UEVLD: variants seen among roughly 807,000 people sequenced by gnomAD.
The protein encoded by UEVLD is ubiquitin-conjugating enzyme E2 variant 3.
In UEVLD, 47 loss-of-function variants were observed where a neutral mutation model predicts 58.6. The observed-to-expected ratio is 0.80, with a 90% CI of 0.63 to 1.02. The LOEUF is 1.02. Among genes scored for constraint, UEVLD ranks in the 50% least tolerant of loss-of-function variants. The pLI is 0.00. For missense variants in UEVLD, 510 were observed against 550.6 expected (o/e 0.93, Z 0.74); for synonymous variants, 197 against 195.3 (o/e 1.01, Z -0.07).
intron 7 of UEVLD, among the ~76,000 whole-genome samples, chr11:18,552,418 G>T (rs763949077): frequency 3.9e-5 from 6 of 151,916 alleles, no homozygotes; most frequent in Non-Finnish European, 8.8e-5. Flanking sequence ...GTGATGGTGT[G>T]CACCTGTAAT....
rs1313907841 is a variant in UEVLD, at chr11:18,570,264, CAT to C, written c.305_306del (p.His102ArgfsTer19). 4 of 1,606,760 alleles carry C rather than the reference CAT, an allele frequency of 2.5e-6. No individual in the cohort carries two copies. Among genetic ancestry groups the C allele is most frequent in the Non-Finnish European group, 3.4e-6 (4 of 1,177,584 alleles). On this transcript the variant is annotated frameshift_variant, in exon 4 of 12. Transcript: ENST00000396197. LOFTEE classifies it high-confidence loss of function. ...TANMGILVGK[H>X]VDAQGRIYLP... Reference sequence around the variant, plus strand: ...AAATATATTCTGCCTTGAGCATCCACATGTTTTCCGACTAAGATTCCCATATT... The same window carrying C: ...AAATATATTCTGCCTTGAGCATCCACGTTTTCCGACTAAGATTCCCATATT...
chr11:18,570,209 C>T lies in UEVLD; in HGVS notation c.357+5G>A. On this transcript the variant is annotated splice_donor_5th_base_variant and intron_variant, in intron 4 of 11. Coordinates refer to ENST00000396197, the MANE Select transcript of UEVLD (RefSeq NM_001040697.4). Reference sequence around the variant, plus strand: ...CTTTCTGTAGAAAATCCAAATTGATCTTACATGGCTCCAGTTTTGGAGATA... The same window carrying T: ...CTTTCTGTAGAAAATCCAAATTGATTTTACATGGCTCCAGTTTTGGAGATA... The T allele has an allele frequency of 1.3e-6, 2 of 1,570,056 alleles. No individual in the cohort carries two copies. The highest frequency in any genetic ancestry group is 1.7e-6 in the Non-Finnish European group (2 of 1,164,596).
chr11:18,579,324 A>G (rs1479004579), intron 1 of UEVLD: 1 of 377,996 alleles, frequency 2.6e-6, no homozygotes, highest in Non-Finnish European at 3.6e-6. Flanking sequence ...AAAGCTAGAG[A>G]ATCAAAGTAA....
rs1852220345 is a variant in UEVLD, at chr11:18,564,876, C to T, written c.612+16G>A. The T allele has an allele frequency of 1.9e-6, 3 of 1,567,086 alleles. No homozygotes were observed. The highest frequency in any genetic ancestry group is 2.6e-6 in the Non-Finnish European group (3 of 1,138,938). ...GCACTATGATAGATGTATTTATAAC[C>T]ACTATGTTTACATACCTTTGCTGAA... is the stretch of plus-strand genomic sequence containing the variant. On this transcript the variant is annotated intron_variant, in intron 6 of 11. Coordinates refer to ENST00000396197, the MANE Select transcript of UEVLD (RefSeq NM_001040697.4).
chr11:18,588,627 G>GTC lies in UEVLD; in HGVS notation c.26_27dup (p.Arg10AspfsTer12). 1 of 1,610,268 alleles carries GTC rather than the reference G, an allele frequency of 6.2e-7. No individual in the cohort carries two copies. Among genetic ancestry groups the GTC allele is most frequent in the Non-Finnish European group, 8.5e-7 (1 of 1,179,858 alleles). ...ACTGCCCGCACCTTGCCAAGCAGCCGTCTCAGGCCCTCGCAGTCGAACTCC... is the reference window on the plus strand; with the variant it reads ...ACTGCCCGCACCTTGCCAAGCAGCCGTCTCTCAGGCCCTCGCAGTCGAACTCC... On this transcript the variant is annotated frameshift_variant, in exon 1 of 12. Transcript: ENST00000396197. LOFTEE classifies it high-confidence loss of function.
intron 4 of UEVLD, among the ~76,000 whole-genome samples, chr11:18,569,198 A>G (rs534890422): frequency 6.6e-6 from 1 of 152,292 alleles, no homozygotes; most frequent in East Asian, 1.9e-4. Flanking sequence ...CTGGCCTCAT[A>G]TAAACATATT....
chr11:18,553,028 G>T (rs980912695), intron 7 of UEVLD, among the ~76,000 whole-genome samples: 8 of 151,384 alleles, frequency 5.3e-5, no homozygotes, highest in Non-Finnish European at 4.4e-5. Flanking sequence ...GGTGGCATGC[G>T]CCTATAGTCC....
rs1367264069 is a variant in UEVLD at position 18,531,358 on chromosome 11, G to C, written c.*962C>G. On this transcript the variant is annotated 3_prime_UTR_variant, in exon 12 of 12. Transcript: ENST00000396197. Reference sequence around the variant, plus strand: ...TTGATGTTAACTGTTACTATTAGTTGTATGTCACAATAGTAATAATAAGCT... The same window carrying C: ...TTGATGTTAACTGTTACTATTAGTTCTATGTCACAATAGTAATAATAAGCT... The C allele has an allele frequency of 6.6e-6, 1 of 152,180 alleles. No individual in the cohort carries two copies. Among genetic ancestry groups the C allele is most frequent in the Non-Finnish European group, 1.5e-5 (1 of 68,032 alleles). The allele number at this position is 152,180 out of a possible 1,614,324, so 9.4% of individuals were successfully genotyped here. A position where few individuals can be genotyped will look rare whatever the true frequency, so the allele number is the denominator to read the frequency against.
chr11:18,542,890 C>CTTTTCTTTTTTT lies in UEVLD; in HGVS notation c.1060+1732_1060+1733insAAAAAAAGAAAA, dbSNP rs1288736148. 1.5e-4 allele frequency among the ~76,000 whole-genome samples: 19 copies of CTTTTCTTTTTTT among 125,892 alleles called. No individual in the cohort carries two copies. The East Asian group carries it at 4.4e-3, about 29-fold the overall frequency. 82.6% of individuals were successfully genotyped at this position (125,892 alleles called of 152,430 possible). Reference sequence around the variant, plus strand: ...CAGAGGAGTTATTTTCTTTTCTTTTCTTTTTTTTTTTTTTTTCTTTGAGAC... The same window carrying CTTTTCTTTTTTT: ...CAGAGGAGTTATTTTCTTTTCTTTTCTTTTCTTTTTTTTTTTTTTTTTTTTTTTCTTTGAGAC... On this transcript the variant is annotated intron_variant, in intron 9 of 11. Coordinates refer to ENST00000396197, the MANE Select transcript of UEVLD (RefSeq NM_001040697.4).
intron 5 of UEVLD, among the ~76,000 whole-genome samples, chr11:18,565,889 A>ACTTTTTCTTT (rs1554980933): frequency 7.6e-6 from 1 of 132,262 alleles, no homozygotes; most frequent in Non-Finnish European, 1.8e-5. Context: ...CAAAGGAATT[A>ACTTTTTCTTT]CTTTTTTTTT....
In UEVLD at chr11:18,558,211, A is replaced by G. The variant is rs766300513; in HGVS notation, c.715+17T>C. On this transcript the variant is annotated intron_variant, in intron 7 of 11. Coordinates refer to ENST00000396197, the MANE Select transcript of UEVLD (RefSeq NM_001040697.4). ...AAGATCTAATAAGGCATACATCTTT[A>G]AGCAGAATAAACAGACCTTTGCTGA... 1.9e-6 allele frequency: 3 copies of G among 1,589,862 alleles called. No individual in the cohort carries two copies. Among genetic ancestry groups the G allele is most frequent in the African/African-American group, 2.7e-5 (2 of 74,160 alleles).
At chr11:18,575,025 T>G (rs567663939) in intron 3 of UEVLD, among the ~76,000 whole-genome samples, 4 of 152,300 alleles carry the variant, frequency 2.6e-5, no homozygotes, top group African/African-American at 9.6e-5. Context: ...GCACCTACTT[T>G]GAAAGAAGTC....
intron 1 of UEVLD, among the ~76,000 whole-genome samples, chr11:18,584,016 G>A (rs1853407901): frequency 6.6e-6 from 1 of 152,134 alleles, no homozygotes. Context: ...AACTCAGCTG[G>A]AGGAGCAGAA....
intron 7 of UEVLD, among the ~76,000 whole-genome samples, chr11:18,549,543 C>G (rs1851438576): frequency 6.6e-6 from 1 of 152,048 alleles, no homozygotes; most frequent in Admixed American, 6.6e-5. Context: ...CTCAGCTTCC[C>G]TAGTAGCTGG....
chr11:18,578,496 GTTT>G (rs1853054424), intron 2 of UEVLD, among the ~76,000 whole-genome samples: 2 of 152,182 alleles, frequency 1.3e-5, no homozygotes, highest in Non-Finnish European at 2.9e-5. Flanking sequence ...GTAAACGTGT[GTTT>G]TTTAAAGCCA....
chr11:18,552,824 G>A lies in UEVLD; in HGVS notation c.715+5404C>T, dbSNP rs577871362. Among the ~76,000 whole-genome samples the A allele has an allele frequency of 7.3e-5, 11 of 151,672 alleles. No homozygotes were observed. The South Asian group carries it at 1.5e-3, about 20-fold the overall frequency. On this transcript the variant is annotated intron_variant, in intron 7 of 11. Coordinates refer to ENST00000396197, the MANE Select transcript of UEVLD (RefSeq NM_001040697.4). ...TGCAGAGAGCCAAGATTGCACCACC[G>A]CACTCCAGCCTGAATGAGTGAGACT...
intron 11 of UEVLD, among the ~76,000 whole-genome samples, chr11:18,533,064 T>C (rs35032055): frequency 0.059 from 8,565 of 145,796 alleles, 285 homozygotes; most frequent in Non-Finnish European, 0.071. Context: ...TTTCTTTTCT[T>C]TTTTTTTTTT....
intron 1 of UEVLD, among the ~76,000 whole-genome samples, chr11:18,583,246 G>A (rs1352349056): frequency 2.0e-5 from 2 of 102,346 alleles, no homozygotes; most frequent in Admixed American, 1.1e-4. Flanking sequence ...TTTTGACAGA[G>A]TTTCACTCTT....
chr11:18,537,261 C>T (rs555486385), intron 9 of UEVLD, among the ~76,000 whole-genome samples: 2 of 150,272 alleles, frequency 1.3e-5, no homozygotes, highest in East Asian at 3.9e-4. Context: ...ACATCATTTA[C>T]AAAAACAATT....
Sources: allele counts gnomAD v4.1 joint callset (sites outside exome capture counted in the v4.1 genomes callset), GRCh38; gene constraint gnomAD v4.1.1; transcripts MANE v1.5; gene names NCBI Gene and HGNC (gene_info 2026-07-23, HGNC 2026-07-21).